DYNC2I2: variants seen among roughly 807,000 people sequenced by gnomAD.
DYNC2I2 encodes the protein dynein 2 intermediate chain 2, also known as cytoplasmic dynein 2 intermediate chain 2.
In DYNC2I2, 39 loss-of-function variants were observed where a neutral mutation model predicts 52.0. The ratio of observed to expected loss-of-function variants is 0.75; its 90% CI spans 0.58 to 0.98. The LOEUF (loss-of-function observed/expected upper bound fraction) is 0.98, where lower values mean the gene tolerates loss of function less well. Among genes scored for constraint, DYNC2I2 ranks in the 50% least tolerant of loss-of-function variants. The pLI, the probability that DYNC2I2 is intolerant of heterozygous loss-of-function variation, is 0.00. For missense variants in DYNC2I2, 743 were observed against 728.4 expected (o/e 1.02, Z -0.23); for synonymous variants, 359 against 321.1 (o/e 1.12, Z -1.26).
At chr9:128,672,333 G>A in the DYNC2I2 span, among the ~76,000 whole-genome samples, 1 of 151,788 alleles carries the variant, frequency 6.6e-6, no homozygotes, top group Non-Finnish European at 1.5e-5. Flanking sequence ...TGGATGTCTT[G>A]ACCTCGTGAT....
At chr9:128,634,138 T>C in intron 8 of DYNC2I2, 88 bp downstream of exon 8, 1 of 1,583,990 alleles carries the variant, frequency 6.3e-7, no homozygotes, top group Non-Finnish European at 8.6e-7. Flanking sequence ...CCATGTGTGG[T>C]CTTTTCCCCA....
At chr9:128,661,314 A>C (rs556948884), upstream of DYNC2I2, among the ~76,000 whole-genome samples, 9 of 150,912 alleles carry the variant, frequency 6.0e-5, no homozygotes, top group South Asian at 4.2e-4. Context: ...CAAAAAAAAA[A>C]AAAAAAAAAC....
chr9:128,661,903 G>C, the DYNC2I2 span, among the ~76,000 whole-genome samples: 1 of 151,922 alleles, frequency 6.6e-6, no homozygotes, highest in Non-Finnish European at 1.5e-5. Flanking sequence ...TTAGCTGGGC[G>C]TGGTGGCAGG....
In DYNC2I2 at chr9:128,634,276, A is replaced by C; in HGVS notation, c.1322T>G (p.Val441Gly). 6.2e-7 allele frequency: 1 copy of C among 1,613,868 alleles called. No individual in the cohort carries two copies. Among genetic ancestry groups the C allele is most frequent in the Non-Finnish European group, 8.5e-7 (1 of 1,180,014 alleles). ...CAAGGGCCGCACTGGGGACCAGCGC[A>C]CAGCAAACAGATACTTGAGGGAGAG... ...LQLSLKYLFA[V>G]RWSPVRPLVF... Residue 441 changes from valine to glycine, a missense_variant, in exon 8 of 9, where the codon GTG becomes GGG. By Grantham distance (109) the Val-to-Gly change is moderately radical. Transcript: ENST00000372715.
intron 1 of DYNC2I2, among the ~76,000 whole-genome samples, chr9:128,647,321 G>A (rs554882999): frequency 1.3e-5 from 2 of 152,048 alleles, no homozygotes; most frequent in Non-Finnish European, 2.9e-5. Flanking sequence ...CCAATAAGCC[G>A]CCCCCGGGGG....
chr9:128,680,800 G>A, the DYNC2I2 span, among the ~76,000 whole-genome samples: 1 of 151,926 alleles, frequency 6.6e-6, no homozygotes, highest in Admixed American at 6.6e-5. Flanking sequence ...TCAGCCTCCT[G>A]AGTAGCTGGG....
chr9:128,635,199 C>T lies in DYNC2I2; in HGVS notation c.874G>A (p.Asp292Asn). 2.5e-6 allele frequency: 4 copies of T among 1,613,434 alleles called. No individual in the cohort carries two copies. Among genetic ancestry groups the T allele is most frequent in the Non-Finnish European group, 3.4e-6 (4 of 1,179,976 alleles). ...HRFQVLSVAT[D>N]GKVLLWQGIG... Reference sequence around the variant, plus strand: ...CCCTGCCAGAGTAGCACCTTCCCGTCGGTGGCCACACTCAGCACCTGGAAG... The same window carrying T: ...CCCTGCCAGAGTAGCACCTTCCCGTTGGTGGCCACACTCAGCACCTGGAAG... The change falls in exon 6 of 9, where the codon GAC (aspartate) becomes AAC (asparagine). Residue 292 changes from aspartate to asparagine, a missense_variant. Asp to Asn is a conservative substitution (Grantham distance 23, BLOSUM62 1). Transcript: ENST00000372715.
At chr9:128,663,907 C>T in the DYNC2I2 span, among the ~76,000 whole-genome samples, 1 of 149,726 alleles carries the variant, frequency 6.7e-6, no homozygotes, top group Non-Finnish European at 1.5e-5. Context: ...TCTGCCTCGG[C>T]CTTTCAAAAA....
At chr9:128,668,600 A>T in the DYNC2I2 span, among the ~76,000 whole-genome samples, 1 of 151,652 alleles carries the variant, frequency 6.6e-6, no homozygotes, top group Non-Finnish European at 1.5e-5. Flanking sequence ...AGATGGGTGG[A>T]TCACAAGGTC....
At chr9:128,641,334 G>A (rs1483400132) in intron 1 of DYNC2I2, among the ~76,000 whole-genome samples, 1 of 152,014 alleles carries the variant, frequency 6.6e-6, no homozygotes. Context: ...ATGGTCTGAT[G>A]CCCATGAACA....
upstream of DYNC2I2, among the ~76,000 whole-genome samples, chr9:128,659,387 C>T (rs558746208): frequency 1.3e-4 from 20 of 150,596 alleles, no homozygotes; most frequent in East Asian, 3.4e-3. Context: ...CCCAACTACT[C>T]GGGAGGCTGA....
chr9:128,666,402 A>AT, the DYNC2I2 span, among the ~76,000 whole-genome samples: 3 of 150,910 alleles, frequency 2.0e-5, no homozygotes, highest in African/African-American at 4.9e-5. Flanking sequence ...AAAAAAAAAA[A>AT]GCCAAAATAC....
chr9:128,634,591 C>T (rs1860330295), intron 7 of DYNC2I2, 98 bp downstream of exon 7: 2 of 1,359,774 alleles, frequency 1.5e-6, no homozygotes, highest in East Asian at 5.0e-5. Context: ...GGGCAGAAGG[C>T]AAGCACTTGA....
chr9:128,653,953 G>T (rs1860768863), intron 1 of DYNC2I2, among the ~76,000 whole-genome samples: 1 of 152,190 alleles, frequency 6.6e-6, no homozygotes, highest in African/African-American at 2.4e-5. Context: ...AGAGCTTGCA[G>T]CGAGCCGAGA....
Position 128,635,714 on chromosome 9 carries a change from G to C in DYNC2I2, c.757C>G (p.Pro253Ala), listed in dbSNP as rs1375271781. 2 of 1,613,076 alleles carry C rather than the reference G, an allele frequency of 1.2e-6. No individual in the cohort carries two copies. The highest frequency in any genetic ancestry group is 1.7e-6 in the Non-Finnish European group (2 of 1,179,680). The change falls in exon 5 of 9, where the codon CCG (proline) becomes GCG (alanine). Residue 253 changes from proline (P) to alanine (A), a missense_variant. Physicochemically the swap from Pro to Ala is conservative, Grantham distance 27. Coordinates refer to ENST00000372715, the MANE Select transcript of DYNC2I2 (RefSeq NM_052844.4). ...LVWDLSRLED[P>A]LLWRTGLTDD... ...GTCAGGCCTGTGCGCCACAGCAGCGGGTCCTCAAGACGGCTCAGGTCCCAC... is the reference window on the plus strand; with the variant it reads ...GTCAGGCCTGTGCGCCACAGCAGCGCGTCCTCAAGACGGCTCAGGTCCCAC...
chr9:128,656,115 G>A (rs1351719418), intron 1 of DYNC2I2, among the ~76,000 whole-genome samples: 4 of 146,990 alleles, frequency 2.7e-5, no homozygotes, highest in Admixed American at 1.4e-4. Context: ...GGATGCGCAG[G>A]TGGGAGGATC....
chr9:128,654,736 T>C (rs1483728403), intron 1 of DYNC2I2, among the ~76,000 whole-genome samples: 1 of 151,992 alleles, frequency 6.6e-6, no homozygotes, highest in African/African-American at 2.4e-5. Context: ...GCACTTGACT[T>C]TTCATCTCCT....
the DYNC2I2 span, among the ~76,000 whole-genome samples, chr9:128,671,136 GA>G: frequency 6.6e-6 from 1 of 150,416 alleles, no homozygotes; most frequent in African/African-American, 2.4e-5. Context: ...CATCAGTCAA[GA>G]AACACATGAA....
the DYNC2I2 span, among the ~76,000 whole-genome samples, chr9:128,664,947 G>A: frequency 6.6e-6 from 1 of 151,544 alleles, no homozygotes. Flanking sequence ...AACATAGCAA[G>A]ATCCCATCTC....
Sources: gnomAD v4.1 joint callset for allele counts (sites outside exome capture counted in the v4.1 genomes callset) on GRCh38, gnomAD v4.1.1 for gene constraint, MANE v1.5 for transcripts, NCBI Gene and HGNC (gene_info 2026-07-23, HGNC 2026-07-21) for gene names.